The following GPC6 variants were observed in gnomAD, a reference collection of about 807,000 sequenced individuals.
The protein encoded by GPC6 is glypican 6.
GPC6 carries 14 observed loss-of-function variants against 55.2 expected under a neutral mutation model. The observed-to-expected ratio is 0.25, with a 90% CI of 0.17 to 0.40. The LOEUF (loss-of-function observed/expected upper bound fraction) is 0.40. Among genes scored for constraint, GPC6 ranks in the 10% least tolerant of loss-of-function variants. GPC6 has a pLI of 1.00. For synonymous variants in GPC6, 278 were observed against 259.6 expected (o/e 1.07, Z -0.68); for missense variants, 641 against 708.5 (o/e 0.90, Z 1.08).
At position 93,503,168 on chromosome 13, in the gene GPC6, T is replaced by C. The variant is rs191943676; in HGVS notation, c.161-42095T>C. On this transcript the variant is annotated intron_variant, in intron 1 of 8. Coordinates refer to ENST00000377047, the MANE Select transcript of GPC6 (RefSeq NM_005708.5). ...TATCAATTCATGTACATCATCTCAT[T>C]TAATGTGCACCCATTTTATAACAGG... Among the ~76,000 whole-genome samples, 3 of 149,006 alleles carry C rather than the reference T, an allele frequency of 2.0e-5. No homozygotes were observed. In the East Asian group the frequency reaches 7.7e-4, roughly 38 times the overall value.
intron 1 of GPC6, among the ~76,000 whole-genome samples, chr13:93,376,512 T>C (rs891220721): frequency 2.6e-5 from 4 of 152,196 alleles, no homozygotes. Flanking sequence ...ATTGAACTCC[T>C]GTGAAGCCCT....
At chr13:94,071,932 T>G (rs1386935118) in intron 4 of GPC6, among the ~76,000 whole-genome samples, 2 of 152,184 alleles carry the variant, frequency 1.3e-5, no homozygotes, top group Non-Finnish European at 2.9e-5. Flanking sequence ...TTCATACAGA[T>G]AGACTTTCCT....
At chr13:93,338,493 C>A (rs1880121252) in intron 1 of GPC6, among the ~76,000 whole-genome samples, 1 of 152,160 alleles carries the variant, frequency 6.6e-6, no homozygotes, top group South Asian at 2.1e-4. Flanking sequence ...CACTGTTTTT[C>A]AGGCAGTGAT....
chr13:93,349,106 G>A (rs1272851008), intron 1 of GPC6, among the ~76,000 whole-genome samples: 2 of 152,044 alleles, frequency 1.3e-5, no homozygotes, highest in Non-Finnish European at 2.9e-5. Context: ...AACATAATTT[G>A]GCCTTTACTA....
chr13:93,435,772 G>A (rs1443931916), intron 1 of GPC6, among the ~76,000 whole-genome samples: 1 of 152,128 alleles, frequency 6.6e-6, no homozygotes, highest in Non-Finnish European at 1.5e-5. Context: ...AAGCTATAAA[G>A]GCAAGGCAGA....
At chr13:93,506,894 C>CAAAAAAAAAAAAAAAAAAAA (rs34398987) in intron 1 of GPC6, among the ~76,000 whole-genome samples, 1 of 123,110 alleles carries the variant, frequency 8.1e-6, no homozygotes, top group African/African-American at 3.1e-5. Context: ...AAAGAAAATA[C>CAAAAAAAAAAAAAAAAAAAA]AAAAAAAAAA....
chr13:93,390,360 T>C (rs1195556773), intron 1 of GPC6, among the ~76,000 whole-genome samples: 1 of 152,154 alleles, frequency 6.6e-6, no homozygotes, highest in Non-Finnish European at 1.5e-5. Flanking sequence ...TTTCTACTGC[T>C]GGTGAATGTC....
rs73544021 is a variant in GPC6, at chr13:94,024,205, A to G, written c.712-3524A>G. ...TAGTTAATAGCAATGTACTAATGTC[A>G]CTTTCCTCATTTTTATATTACACAA... On this transcript the variant is annotated intron_variant, in intron 3 of 8. Transcript: ENST00000377047. 1.6e-3 allele frequency among the ~76,000 whole-genome samples: 246 copies of G among 152,154 alleles called. 2 individuals are homozygous for G. The highest frequency in any genetic ancestry group is 5.7e-3 in the African/African-American group (238 of 41,544).
intron 4 of GPC6, among the ~76,000 whole-genome samples, chr13:94,072,382 T>A (rs1594713494): frequency 6.6e-6 from 1 of 152,014 alleles, no homozygotes; most frequent in Admixed American, 6.6e-5. Context: ...TGAGACAGAG[T>A]CTCACTCTGT....
At chr13:93,779,437 A>G (rs2138904662) in intron 2 of GPC6, among the ~76,000 whole-genome samples, 1 of 152,284 alleles carries the variant, frequency 6.6e-6, no homozygotes, top group Non-Finnish European at 1.5e-5. Flanking sequence ...CCATATTGAG[A>G]CTACAGACAA....
intron 4 of GPC6, among the ~76,000 whole-genome samples, chr13:94,106,518 GAGTGAGGGA>G (rs2138833501): frequency 6.6e-6 from 1 of 152,098 alleles, no homozygotes; most frequent in Non-Finnish European, 1.5e-5. Context: ...AGAGTTAAGA[GAGTGAGGGA>G]AGTGAGGGAG....
intron 6 of GPC6, among the ~76,000 whole-genome samples, chr13:94,329,414 C>T (rs571523581): frequency 6.6e-6 from 1 of 152,178 alleles, no homozygotes; most frequent in Non-Finnish European, 1.5e-5. Flanking sequence ...CCTCGCAGTA[C>T]CGTCTGCAGC....
chr13:94,271,897 G>A (rs1292367748), intron 4 of GPC6, among the ~76,000 whole-genome samples: 2 of 152,132 alleles, frequency 1.3e-5, no homozygotes, highest in Non-Finnish European at 2.9e-5. Context: ...GCCATTTCAT[G>A]GGGTAAATCA....
At chr13:94,212,125 T>C (rs1317325809) in intron 4 of GPC6, among the ~76,000 whole-genome samples, 1 of 152,212 alleles carries the variant, frequency 6.6e-6, no homozygotes, top group Admixed American at 6.5e-5. Flanking sequence ...CCTGTTTTCT[T>C]ATTTGTAAAA....
chr13:94,190,161 A>G (rs1219492215), intron 4 of GPC6, among the ~76,000 whole-genome samples: 2 of 151,892 alleles, frequency 1.3e-5, no homozygotes, highest in Non-Finnish European at 2.9e-5. Flanking sequence ...TGTCTTTACT[A>G]AAAATACAAA....
At chr13:93,360,810 C>T (rs1312549502) in intron 1 of GPC6, among the ~76,000 whole-genome samples, 1 of 152,040 alleles carries the variant, frequency 6.6e-6, no homozygotes, top group African/African-American at 2.4e-5. Flanking sequence ...AACTCCTGAT[C>T]AGTTATTTCT....
At chr13:94,392,623 T>G (rs1316657459) in intron 7 of GPC6, among the ~76,000 whole-genome samples, 1 of 151,494 alleles carries the variant, frequency 6.6e-6, no homozygotes, top group Non-Finnish European at 1.5e-5. Flanking sequence ...GAGATGGGGT[T>G]TCTCCATGTT....
chr13:94,202,454 A>C (rs1396208097), intron 4 of GPC6, among the ~76,000 whole-genome samples: 1 of 152,214 alleles, frequency 6.6e-6, no homozygotes, highest in Non-Finnish European at 1.5e-5. Context: ...GCAGACAAGA[A>C]AGAATGAGAG....
At chr13:94,236,310 GA>G (rs1315594995) in intron 4 of GPC6, among the ~76,000 whole-genome samples, 13 of 151,962 alleles carry the variant, frequency 8.6e-5, no homozygotes, top group African/African-American at 2.9e-4. Context: ...GTTTACAGTG[GA>G]TGTTCTATAA....
Sources: allele counts gnomAD v4.1 joint callset (sites outside exome capture counted in the v4.1 genomes callset), GRCh38; gene constraint gnomAD v4.1.1; transcripts MANE v1.5; gene names NCBI Gene and HGNC (gene_info 2026-07-23, HGNC 2026-07-21).